The following FAM184A variants were observed in gnomAD, a reference collection of about 807,000 sequenced individuals.
FAM184A encodes protein FAM184A.
FAM184A carries 99 observed loss-of-function variants against 143.8 expected under a neutral mutation model. The ratio of observed to expected loss-of-function variants is 0.69; its 90% CI spans 0.58 to 0.81. The LOEUF is 0.81. Ranked by LOEUF, FAM184A falls within the 40% of genes least tolerant of loss-of-function variation. The pLI is 0.00. For synonymous variants in FAM184A, 427 were observed against 446.4 expected (o/e 0.96, Z 0.55); for missense variants, 1,217 against 1,310.5 (o/e 0.93, Z 1.10).
At chr6:119,052,915 T>C (rs910784085) in intron 1 of FAM184A, among the ~76,000 whole-genome samples, 4 of 152,200 alleles carry the variant, frequency 2.6e-5, no homozygotes, top group African/African-American at 9.7e-5. Flanking sequence ...CAGTAAACAC[T>C]CCTTTCTTTG....
rs745945599 is a variant in FAM184A at position 119,003,586 on chromosome 6, T to C, written c.1852A>G (p.Thr618Ala). The C allele has an allele frequency of 3.1e-6, 5 of 1,612,564 alleles. No individual in the cohort carries two copies. The highest frequency in any genetic ancestry group is 1.7e-5 in the Admixed American group (1 of 59,868). Residue 618 changes from threonine to alanine, a missense_variant, in exon 8 of 18, where the codon ACA (threonine) becomes GCA (alanine). Thr to Ala is a moderately conservative substitution (Grantham distance 58, BLOSUM62 0). Transcript: ENST00000338891. ...LEQERQQHEE[T>A]IAAMKEEEKL... The stretch of plus-strand genomic sequence containing the variant: ...TCTTCTTCTTTCATGGCAGCAATTG[T>C]TTCTTCATGCTGTTGCCTTTCTTGT...
In FAM184A at chr6:119,011,351, T is replaced by G; in HGVS notation, c.1611A>C (p.Leu537=). 1 of 1,607,686 alleles carries G rather than the reference T, an allele frequency of 6.2e-7. No individual in the cohort carries two copies. The highest frequency in any genetic ancestry group is 8.5e-7 in the Non-Finnish European group (1 of 1,176,940). The change falls in exon 6 of 18, where the codon CTA becomes CTC. Residue 537 remains leucine (L), a synonymous_variant. Coordinates refer to ENST00000338891, the MANE Select transcript of FAM184A (RefSeq NM_024581.6). The part of the protein sequence containing the change: ...KNQLQQELEN[L]KEVLEDKLNT... ...TCAACTTGTCTTCCAGTACTTCCTT[T>G]AGGTTTTCTAGCTCTTGTTGAAGCT... is the stretch of plus-strand genomic sequence containing the variant.
intron 2 of FAM184A, 46 bp downstream of exon 2, chr6:119,023,913 T>C: frequency 6.7e-7 from 1 of 1,498,436 alleles, no homozygotes; most frequent in Non-Finnish European, 8.9e-7. Context: ...CAAATATTTT[T>C]AAAAGAAAAA....
chr6:119,134,438 G>A (rs1412221582), intron 1 of FAM184A, among the ~76,000 whole-genome samples: 2 of 152,012 alleles, frequency 1.3e-5, no homozygotes, highest in Non-Finnish European at 2.9e-5. Context: ...GATTGCTTGA[G>A]TCCCGAAGTT....
At chr6:119,040,743 TTTTCTAA>T (rs1786296558) in intron 1 of FAM184A, among the ~76,000 whole-genome samples, 1 of 152,104 alleles carries the variant, frequency 6.6e-6, no homozygotes, top group East Asian at 1.9e-4. Flanking sequence ...CGGGGCTAAG[TTTTCTAA>T]TGGCTCTTAA....
At position 119,113,386 on chromosome 6, in the gene FAM184A, C is replaced by T. The variant is rs1164450015; in HGVS notation, c.-202+35692G>A. On this transcript the variant is annotated intron_variant, in intron 1 of 16. Coordinates refer to the FAM184A transcript ENST00000352896. Reference sequence around the variant, plus strand: ...GGGTTGTCATGCAGCTTTCTTAAGTCCCCATTATGACTTGGTGCCTGGATG... The same window carrying T: ...GGGTTGTCATGCAGCTTTCTTAAGTTCCCATTATGACTTGGTGCCTGGATG... 2.0e-5 allele frequency among the ~76,000 whole-genome samples: 3 copies of T among 152,184 alleles called. No individual in the cohort carries two copies. In the East Asian group the frequency reaches 5.8e-4, roughly 29 times the overall value.
chr6:119,148,378 C>A (rs952600391), intron 1 of FAM184A, among the ~76,000 whole-genome samples: 1 of 152,204 alleles, frequency 6.6e-6, no homozygotes, highest in African/African-American at 2.4e-5. Flanking sequence ...GAGTTGGAGC[C>A]TAGCCACATT....
At chr6:119,074,193 G>C (rs145920211) in intron 1 of FAM184A, among the ~76,000 whole-genome samples, 165 of 152,322 alleles carry the variant, frequency 1.1e-3, no homozygotes, top group Middle Eastern at 3.4e-3. Flanking sequence ...GTAAAAGTTT[G>C]CTGCTCCTCT....
chr6:119,052,259 T>C (rs1258076659), intron 1 of FAM184A, among the ~76,000 whole-genome samples: 2 of 152,220 alleles, frequency 1.3e-5, no homozygotes, highest in Non-Finnish European at 2.9e-5. Context: ...CTAAATGTAC[T>C]GTGAAAGAAT....
chr6:119,141,423 T>C (rs1030769192), intron 1 of FAM184A, among the ~76,000 whole-genome samples: 1 of 152,248 alleles, frequency 6.6e-6, no homozygotes, highest in Non-Finnish European at 1.5e-5. Context: ...GGCTGCTGCC[T>C]GCTGCATGGC....
intron 1 of FAM184A, among the ~76,000 whole-genome samples, chr6:119,100,417 G>C (rs930649822): frequency 6.6e-6 from 1 of 152,078 alleles, no homozygotes; most frequent in African/African-American, 2.4e-5. Context: ...ATCCATCAAT[G>C]TCTGCCCATT....
intron 1 of FAM184A, among the ~76,000 whole-genome samples, chr6:119,092,229 C>G (rs999189341): frequency 1.3e-5 from 2 of 152,182 alleles, no homozygotes; most frequent in Non-Finnish European, 2.9e-5. Flanking sequence ...CCTCGACCTT[C>G]CAGGCTAAAG....
chr6:119,144,261 G>T (rs1239240772), intron 1 of FAM184A, among the ~76,000 whole-genome samples: 1 of 151,248 alleles, frequency 6.6e-6, no homozygotes. Flanking sequence ...GTGAACCTGG[G>T]AGGCGGAGCT....
intron 1 of FAM184A, among the ~76,000 whole-genome samples, chr6:119,126,347 G>C (rs1264089602): frequency 6.6e-6 from 1 of 152,198 alleles, no homozygotes; most frequent in Non-Finnish European, 1.5e-5. Flanking sequence ...ATTAGGTCAG[G>C]CCCACCAAAG....
At chr6:119,020,908 A>G (rs1785423333) in intron 3 of FAM184A, among the ~76,000 whole-genome samples, 1 of 152,242 alleles carries the variant, frequency 6.6e-6, no homozygotes, top group South Asian at 2.1e-4. Context: ...TAAAGACAGC[A>G]AGGTTATGAA....
chr6:119,052,523 C>G (rs1214974848), intron 1 of FAM184A, among the ~76,000 whole-genome samples: 3 of 152,226 alleles, frequency 2.0e-5, no homozygotes, highest in Non-Finnish European at 2.9e-5. Flanking sequence ...ATTCCTGAAT[C>G]AGTAGCCAAA....
intron 1 of FAM184A, among the ~76,000 whole-genome samples, chr6:119,134,788 C>T (rs1789621901): frequency 6.6e-6 from 1 of 152,110 alleles, no homozygotes; most frequent in Admixed American, 6.5e-5. Flanking sequence ...GAATGTGAGT[C>T]CTCCATCCTC....
intron 9 of FAM184A, among the ~76,000 whole-genome samples, chr6:118,996,976 C>T (rs558614698): frequency 1.8e-4 from 25 of 139,146 alleles, no homozygotes; most frequent in South Asian, 9.8e-4. Context: ...CCACCCACCT[C>T]GGCCTCCCAC....
intron 1 of FAM184A, among the ~76,000 whole-genome samples, chr6:119,108,910 T>C (rs1181062294): frequency 6.6e-6 from 1 of 152,200 alleles, no homozygotes; most frequent in African/African-American, 2.4e-5. Flanking sequence ...TTTGAGGGCA[T>C]CTATGAGTTG....
Sources: gnomAD v4.1 joint callset for allele counts (sites outside exome capture counted in the v4.1 genomes callset) on GRCh38, gnomAD v4.1.1 for gene constraint, MANE v1.5 for transcripts, NCBI Gene and HGNC (gene_info 2026-07-23, HGNC 2026-07-21) for gene names.